The following SV2C variants were observed in gnomAD, a reference collection of about 807,000 sequenced individuals.
SV2C encodes the protein solute carrier family 22 member B3.
SV2C carries 49 observed loss-of-function variants against 79.7 expected under a neutral mutation model. The observed-to-expected ratio is 0.61, with a 90% CI of 0.49 to 0.78. The LOEUF (loss-of-function observed/expected upper bound fraction) is 0.78. Among genes scored for constraint, SV2C ranks in the 30% least tolerant of loss-of-function variants. The pLI is 0.00. For synonymous variants in SV2C, 334 were observed against 333.2 expected, an observed-to-expected ratio of 1.00 and a Z score of -0.03; for missense variants, 833 against 912.9, an observed-to-expected ratio of 0.91 and a Z score of 1.13.
At chr5:76,058,451 GC>G in the SV2C span, among the ~76,000 whole-genome samples, 3 of 152,172 alleles carry the variant, frequency 2.0e-5, no homozygotes, top group East Asian at 3.9e-4. Flanking sequence ...CCTGAAGCCT[GC>G]CCAGAACAAA....
intron 2 of SV2C, among the ~76,000 whole-genome samples, chr5:76,193,982 G>T (rs1020204481): frequency 2.0e-5 from 3 of 152,190 alleles, no homozygotes; most frequent in Non-Finnish European, 4.4e-5. Context: ...ATCTTTAAAA[G>T]ATAATAAGTG....
At chr5:75,951,086 C>T in the SV2C span, among the ~76,000 whole-genome samples, 1 of 151,928 alleles carries the variant, frequency 6.6e-6, no homozygotes, top group Non-Finnish European at 1.5e-5. Context: ...TTAGAACTAT[C>T]TTGATAATTA....
At chr5:76,140,685 T>C (rs1266406057) in intron 2 of SV2C, among the ~76,000 whole-genome samples, 3 of 151,402 alleles carry the variant, frequency 2.0e-5, no homozygotes, top group East Asian at 1.9e-4. Context: ...GAGTTTTTCC[T>C]CTTTTAGCTT....
chr5:76,036,498 T>C, the SV2C span, among the ~76,000 whole-genome samples: 2 of 152,086 alleles, frequency 1.3e-5, no homozygotes, highest in Non-Finnish European at 2.9e-5. Context: ...TCTCCTTCAC[T>C]TATGAAGCTT....
the SV2C span, among the ~76,000 whole-genome samples, chr5:76,072,138 C>T: frequency 6.6e-6 from 1 of 152,046 alleles, no homozygotes; most frequent in Non-Finnish European, 1.5e-5. Flanking sequence ...GCAGGTTTCT[C>T]CAGATATTGT....
chr5:76,275,373 A>G (rs1580011154), intron 4 of SV2C, among the ~76,000 whole-genome samples: 1 of 151,846 alleles, frequency 6.6e-6, no homozygotes, highest in Non-Finnish European at 1.5e-5. Context: ...TGTAGTCCCA[A>G]CTACTCGGGA....
rs924704775 is a variant in SV2C, at chr5:76,257,858, G to T, written c.914-27304G>T. ...ATGGTGTGTGTGGTAGGTGTATGTG[G>T]TGTGTGTGTGCAGTGTGTGGGGTTT... On this transcript the variant is annotated intron_variant, in intron 4 of 12. Transcript: ENST00000502798. Among the ~76,000 whole-genome samples, 9 of 150,750 alleles carry T rather than the reference G, an allele frequency of 6.0e-5. No homozygotes were observed. The South Asian group carries it at 1.9e-3, about 32-fold the overall frequency.
the SV2C span, among the ~76,000 whole-genome samples, chr5:76,005,708 A>G: frequency 6.6e-6 from 1 of 152,218 alleles, no homozygotes; most frequent in Non-Finnish European, 1.5e-5. Context: ...CTTGCTCATA[A>G]TGTACAAAAA....
At chr5:75,936,884 T>C in the SV2C span, among the ~76,000 whole-genome samples, 4 of 152,234 alleles carry the variant, frequency 2.6e-5, no homozygotes. Flanking sequence ...TCTAGAACTA[T>C]GCTATCAACA....
Position 76,300,824 on chromosome 5 carries a change from A to T in SV2C, c.1732A>T (p.Ser578Cys), listed in dbSNP as rs1375330284. 2.5e-6 allele frequency: 4 copies of T among 1,614,078 alleles called. No individual in the cohort carries two copies. The highest frequency in any genetic ancestry group is 3.4e-6 in the Non-Finnish European group (4 of 1,180,024). The change falls in exon 11 of 13, where the codon AGT becomes TGT. Residue 578 changes from serine to cysteine, a missense_variant. Physicochemically the swap from Ser to Cys is moderately radical, Grantham distance 112. Coordinates refer to ENST00000502798, the MANE Select transcript of SV2C (RefSeq NM_014979.4). ...TCAGATTACCTTTGATGATGACTAT[A>T]GTGCCTACTGGATTTATTTTGTCAA... ...GCQITFDDDYSAYWIYFVNFL... is the reference protein window; with the variant it reads ...GCQITFDDDYCAYWIYFVNFL...
At chr5:75,907,156 C>A in the SV2C span, among the ~76,000 whole-genome samples, 1 of 152,226 alleles carries the variant, frequency 6.6e-6, no homozygotes, top group Admixed American at 6.5e-5. Flanking sequence ...AATGACCAAC[C>A]CCTCAAGACT....
chr5:76,165,046 T>TA (rs1002838279), intron 2 of SV2C, among the ~76,000 whole-genome samples: 16 of 152,112 alleles, frequency 1.1e-4, no homozygotes, highest in African/African-American at 3.6e-4. Flanking sequence ...CATCCTTTTT[T>TA]AAAAAAATAT....
the SV2C span, among the ~76,000 whole-genome samples, chr5:75,853,075 T>C: frequency 6.6e-6 from 1 of 152,124 alleles, no homozygotes; most frequent in Non-Finnish European, 1.5e-5. Flanking sequence ...GAAATATACA[T>C]ACTGTCGCAA....
chr5:76,311,174 A>G (rs561963682), intron 12 of SV2C: 2 of 152,454 alleles, frequency 1.3e-5, no homozygotes, highest in East Asian at 3.9e-4. Flanking sequence ...CTCTCTGCTC[A>G]TGCACTCACC....
At chr5:75,864,574 C>A in the SV2C span, among the ~76,000 whole-genome samples, 1 of 152,162 alleles carries the variant, frequency 6.6e-6, no homozygotes, top group Non-Finnish European at 1.5e-5. Flanking sequence ...GTAGATGTCC[C>A]TGCAGAATCT....
chr5:75,901,394 A>T, the SV2C span, among the ~76,000 whole-genome samples: 2 of 152,196 alleles, frequency 1.3e-5, no homozygotes, highest in Admixed American at 6.5e-5. Flanking sequence ...TGGCTGCAGA[A>T]CAATGGATTT....
chr5:75,883,367 T>C, the SV2C span, among the ~76,000 whole-genome samples: 3 of 145,364 alleles, frequency 2.1e-5, no homozygotes, highest in African/African-American at 8.3e-5. Context: ...CTATAAATCA[T>C]GCTGCTATAG....
At chr5:76,150,337 C>G (rs13159167) in intron 2 of SV2C, among the ~76,000 whole-genome samples, 45,162 of 151,796 alleles carry the variant, frequency 0.3, 8,214 homozygotes, top group Non-Finnish European at 0.42. Context: ...GCCACCACGC[C>G]CAGCTAATTT....
At chr5:76,222,490 A>G (rs1745096144) in intron 4 of SV2C, among the ~76,000 whole-genome samples, 1 of 152,174 alleles carries the variant, frequency 6.6e-6, no homozygotes, top group Non-Finnish European at 1.5e-5. Context: ...AAGGAGTTGC[A>G]TCTGGGAGAA....
Sources: allele counts gnomAD v4.1 joint callset (sites outside exome capture counted in the v4.1 genomes callset), GRCh38; gene constraint gnomAD v4.1.1; transcripts MANE v1.5; gene names NCBI Gene and HGNC (gene_info 2026-07-23, HGNC 2026-07-21).